Variants in MAGT1 observed in about 807,000 individuals in gnomAD.
MAGT1 encodes magnesium transporter 1.
In MAGT1, 4 loss-of-function variants were observed where a neutral mutation model predicts 28.4. That is an observed-to-expected ratio of 0.14 (90% CI 0.07 to 0.32). The LOEUF (loss-of-function observed/expected upper bound fraction) is 0.32. Among genes scored for constraint, MAGT1 ranks in the 10% least tolerant of loss-of-function variants. The probability of loss-of-function intolerance (pLI) is 1.00; values close to 1 mark genes in which losing one functional copy is unlikely to be tolerated. For missense variants in MAGT1, 193 were observed against 264.5 expected (o/e 0.73, Z 1.88); for synonymous variants, 89 against 89.7 (o/e 0.99, Z 0.04).
chrX:77,858,356 A>G (rs1049581435), intron 3 of MAGT1, among the ~76,000 whole-genome samples: 5 of 110,171 alleles, frequency 4.5e-5, no homozygotes, highest in African/African-American at 1.3e-4. Context: ...ACACCCAGCT[A>G]ATTTTTGTAT....
intron 9 of MAGT1, among the ~76,000 whole-genome samples, chrX:77,829,576 G>A (rs2076892157): frequency 9.0e-6 from 1 of 111,079 alleles, no homozygotes; most frequent in African/African-American, 3.3e-5. Context: ...CTTCTGAGTA[G>A]CTGGGACTAC....
rs371907238 is a variant in MAGT1, at chrX:77,885,933, T to C, written c.102+9376A>G. 4.5e-4 allele frequency among the ~76,000 whole-genome samples: 50 copies of C among 111,265 alleles called. No homozygotes were observed. In the East Asian group the frequency reaches 0.014, roughly 31 times the overall value. On this transcript the variant is annotated intron_variant, in intron 1 of 9. Transcript: ENST00000618282. ...AGGCAGAGGTTGCAGTGAGCCGAGA[T>C]TGAGCCCCTGCACTGAAACTTGGGT... is the stretch of plus-strand genomic sequence containing the variant.
rs782164096 is a variant in MAGT1, at chrX:77,880,459, G to A, written c.103-4862C>T. Among the ~76,000 whole-genome samples, 5 of 109,710 alleles carry A rather than the reference G, an allele frequency of 4.6e-5. No individual in the cohort carries two copies. The East Asian group carries it at 1.5e-3, about 33-fold the overall frequency. On this transcript the variant is annotated intron_variant, in intron 1 of 9. Coordinates refer to ENST00000618282, the MANE Select transcript of MAGT1 (RefSeq NM_001367916.1). ...CAGGAGAATTGCTTGAACCCGGGAG[G>A]TGGAGTTGCAGTGAGCCGAGACCGC... is the stretch of plus-strand genomic sequence containing the variant.
chrX:77,861,258 C>T (rs1169310895), intron 3 of MAGT1, among the ~76,000 whole-genome samples: 1 of 109,140 alleles, frequency 9.2e-6, no homozygotes, highest in Non-Finnish European at 1.9e-5. Flanking sequence ...AAATGGCCAA[C>T]AAAACACATG....
intron 7 of MAGT1, among the ~76,000 whole-genome samples, chrX:77,842,218 C>A (rs2076936974): frequency 9.2e-6 from 1 of 108,730 alleles, no homozygotes; most frequent in Non-Finnish European, 1.9e-5. Context: ...CATGGTGAGA[C>A]CCTGTTTCTA....
At chrX:77,873,468 A>G (rs1407177432) in intron 2 of MAGT1, among the ~76,000 whole-genome samples, 1 of 112,745 alleles carries the variant, frequency 8.9e-6, no homozygotes, top group East Asian at 2.7e-4. Context: ...ATATAAATAA[A>G]AAGACACTAA....
chrX:77,830,617 AAAAT>A (rs1196992466), intron 9 of MAGT1, among the ~76,000 whole-genome samples, 184 bp downstream of exon 9: 9 of 110,290 alleles, frequency 8.2e-5, no homozygotes, highest in Admixed American at 4.9e-4. Flanking sequence ...CTCCATCTCA[AAAAT>A]AAATAAATAA....
chrX:77,877,013 C>CAAAAA (rs782800456), intron 1 of MAGT1, among the ~76,000 whole-genome samples: 17 of 10,601 alleles, frequency 1.6e-3, no homozygotes, highest in South Asian at 0.012. Flanking sequence ...AACTCCATCT[C>CAAAAA]AAAAAAAAAA....
chrX:77,876,146 ATATATATATATATATATATT>A (rs2077033127), intron 1 of MAGT1, among the ~76,000 whole-genome samples: 1 of 27,720 alleles, frequency 3.6e-5, no homozygotes, highest in African/African-American at 1.2e-4. Flanking sequence ...ATATATATAT[ATATATATATATATATATATT>A]TTTTTTTTTT....
intron 7 of MAGT1, 108 bp downstream of exon 7, chrX:77,853,793 T>C (rs2076974738): frequency 9.4e-6 from 6 of 635,603 alleles, no homozygotes; most frequent in Admixed American, 4.7e-5. Context: ...TCAAAGGATA[T>C]TGTGACTTGC....
chrX:77,842,609 C>T (rs2076938187), intron 7 of MAGT1, among the ~76,000 whole-genome samples: 1 of 110,385 alleles, frequency 9.1e-6, no homozygotes, highest in African/African-American at 3.3e-5. Flanking sequence ...GGCGGATCAC[C>T]TTAAGTCAGG....
chrX:77,877,812 CAAAATAAAATAAAATAAAAT>C (rs145687006), intron 1 of MAGT1, among the ~76,000 whole-genome samples: 178 of 35,066 alleles, frequency 5.1e-3, no homozygotes, highest in African/African-American at 7.2e-3. Flanking sequence ...GACTCTGTCT[CAAAATAAAATAAAATAAAAT>C]AAAATAAAAT....
chrX:77,854,391 T>C (rs1274004524), intron 6 of MAGT1, among the ~76,000 whole-genome samples: 1 of 111,827 alleles, frequency 8.9e-6, no homozygotes, highest in Non-Finnish European at 1.9e-5. Flanking sequence ...TTGGCCAGGC[T>C]GGTCTCAAAC....
intron 7 of MAGT1, among the ~76,000 whole-genome samples, chrX:77,853,629 CTCTA>C (rs2076974313): frequency 1.8e-5 from 2 of 112,134 alleles, no homozygotes; most frequent in South Asian, 7.3e-4. Flanking sequence ...CCTATTACAA[CTCTA>C]TCTTTTCTTT....
chrX:77,883,036 A>T (rs1340900511), intron 1 of MAGT1, among the ~76,000 whole-genome samples: 7 of 101,173 alleles, frequency 6.9e-5, no homozygotes, highest in Non-Finnish European at 1.4e-4. Context: ...TTTGTTATTT[A>T]TATATAATTT....
Position 77,875,641 on chromosome X carries a change from G to A in MAGT1, c.103-44C>T, listed in dbSNP as rs781845378. ...GCATGCTATTAATATACTCAACTTG[G>A]CATTTAAAGTTCTTTTAATGAGGCA... On this transcript the variant is annotated intron_variant, in intron 1 of 9. Transcript: ENST00000618282. The A allele has an allele frequency of 4.4e-6, 5 of 1,140,863 alleles. No individual in the cohort carries two copies. The Admixed American group carries it at 1.1e-4, about 25-fold the overall frequency. The allele number at this position is 1,140,863 out of a possible 1,213,427, so 94.0% of individuals were successfully genotyped here.
rs782513503 is a variant in MAGT1 at position 77,895,385 on chromosome X, C to A, written c.26G>T (p.Cys9Phe). The change falls in exon 1 of 10, where the codon TGT becomes TTT. Residue 9 changes from cysteine to phenylalanine, a missense_variant. Physicochemically the swap from Cys to Phe is radical, Grantham distance 205. Transcript: ENST00000618282. ...CGCCACCACCATGGTCACAGAGACA[C>A]ACCAAAACCGCCAACGCGCTGCCAT... MAARWRFW[C>F]VSVTMVVALL... 3.3e-6 allele frequency: 4 copies of A among 1,212,196 alleles called. No individual in the cohort carries two copies. The highest frequency in any genetic ancestry group is 4.3e-5 in the Admixed American group (2 of 46,075).
At chrX:77,882,514 A>G (rs1272241972) in intron 1 of MAGT1, among the ~76,000 whole-genome samples, 1 of 111,854 alleles carries the variant, frequency 8.9e-6, no homozygotes, top group Non-Finnish European at 1.9e-5. Context: ...TGAAGCAGTA[A>G]CAGGTATTTA....
intron 8 of MAGT1, among the ~76,000 whole-genome samples, chrX:77,834,234 G>A (rs1415129194): frequency 6.2e-5 from 5 of 80,524 alleles, no homozygotes; most frequent in Admixed American, 4.6e-4. Context: ...ATGCATATAT[G>A]TATATATATG....
Sources: allele counts gnomAD v4.1 joint callset (sites outside exome capture counted in the v4.1 genomes callset), GRCh38; gene constraint gnomAD v4.1.1; transcripts MANE v1.5; gene names NCBI Gene and HGNC (gene_info 2026-07-23, HGNC 2026-07-21).